Variants in AQR observed in about 807,000 individuals in gnomAD.
AQR encodes the protein RNA helicase aquarius.
A neutral mutation model predicts 180.5 loss-of-function variants in AQR; 61 were observed. The observed-to-expected ratio is 0.34, with a 90% CI of 0.28 to 0.42. The LOEUF is 0.42. AQR is among the 10% of genes least tolerant of loss of function. The pLI is 1.00. For missense variants in AQR, 1,281 were observed against 1,798.3 expected (o/e 0.71, Z 5.20); for synonymous variants, 551 against 588.8 (o/e 0.94, Z 0.93).
intron 11 of AQR, 126 bp from the exon 12 acceptor site, chr15:34,930,497 C>A: frequency 5.4e-6 from 3 of 558,676 alleles, no homozygotes; most frequent in Non-Finnish European, 9.5e-6. Context: ...GGAATGTAAA[C>A]ATTACAAAAA....
At chr15:34,914,539 C>G (rs1161496978) in intron 16 of AQR, among the ~76,000 whole-genome samples, 1 of 152,158 alleles carries the variant, frequency 6.6e-6, no homozygotes, top group Admixed American at 6.5e-5. Flanking sequence ...TAATGTACCA[C>G]CCCGGGCAAT....
At chr15:34,967,025 C>T (rs1201458236) in intron 1 of AQR, among the ~76,000 whole-genome samples, 1 of 151,906 alleles carries the variant, frequency 6.6e-6, no homozygotes, top group African/African-American at 2.4e-5. Context: ...TACAGGCATG[C>T]ACCACCACGT....
At chr15:34,955,747 A>G (rs1894303436) in intron 3 of AQR, among the ~76,000 whole-genome samples, 1 of 152,118 alleles carries the variant, frequency 6.6e-6, no homozygotes, top group Non-Finnish European at 1.5e-5. Flanking sequence ...GTCTCTACTA[A>G]AAATACAAAA....
At position 34,874,671 on chromosome 15, in the gene AQR, T is replaced by G. The variant is rs750587400; in HGVS notation, c.3425+6A>C. ...TGGGAATGATTTTTTTTCCTGTCTC[T>G]TTTACCTTGCTCTGGCTCTCCCTTG... On this transcript the variant is annotated splice_donor_region_variant and intron_variant, in intron 29 of 34. Coordinates refer to ENST00000156471, the MANE Select transcript of AQR (RefSeq NM_014691.3). The G allele has an allele frequency of 2.4e-5, 38 of 1,612,454 alleles. No homozygotes were observed. Among genetic ancestry groups the G allele is most frequent in the Non-Finnish European group, 3.2e-5 (38 of 1,179,352 alleles).
Position 34,918,374 on chromosome 15 carries a change from G to A in AQR, c.1226C>T (p.Ser409Phe). The change falls in exon 15 of 35, where the codon TCT becomes TTT. Residue 409 changes from serine (S) to phenylalanine (F), a missense_variant. Ser to Phe is a radical substitution (Grantham distance 155). Transcript: ENST00000156471. ...DKEFLLELLV[S>F]RHERRISQIQ... ...CTGAGAAATTCGACGTTCATGACGA[G>A]ATACCTAAAATAAAGGAAACAAGTT... is the stretch of plus-strand genomic sequence containing the variant. The A allele has an allele frequency of 1.2e-6, 2 of 1,613,024 alleles. No homozygotes were observed. The highest frequency in any genetic ancestry group is 1.7e-6 in the Non-Finnish European group (2 of 1,179,608).
In AQR at chr15:34,897,574, T is replaced by C. The variant is rs765985441; in HGVS notation, c.2375A>G (p.Tyr792Cys). 2 of 1,614,028 alleles carry C rather than the reference T, an allele frequency of 1.2e-6. No homozygotes were observed. The highest frequency in any genetic ancestry group is 2.2e-5 in the South Asian group (2 of 91,046). ...HVIPNRGPYPYNQPKRNTIQF... is the reference protein window; with the variant it reads ...HVIPNRGPYPCNQPKRNTIQF... ...GTAAAATTACCGTTTGGGTTGATTA[T>C]AAGGATAAGGACCCCTATTAGGAAT... The change falls in exon 21 of 35, where the codon TAT becomes TGT. Residue 792 changes from tyrosine to cysteine, a missense_variant. By Grantham distance (194) the Tyr-to-Cys change is radical. Transcript: ENST00000156471.
intron 4 of AQR, among the ~76,000 whole-genome samples, chr15:34,949,309 C>T (rs913836981): frequency 5.0e-5 from 3 of 60,130 alleles, no homozygotes; most frequent in Non-Finnish European, 6.3e-5. Context: ...AACTTTAAGG[C>T]TCTTCTTAAA....
At chr15:34,965,672 A>AAAAT (rs1232437266) in intron 1 of AQR, among the ~76,000 whole-genome samples, 4 of 152,150 alleles carry the variant, frequency 2.6e-5, no homozygotes, top group Non-Finnish European at 5.9e-5. Context: ...CTCCGTCTCT[A>AAAAT]AAATAAATAA....
chr15:34,874,641 T>G, intron 29 of AQR, 36 bp downstream of exon 29: 1 of 1,609,312 alleles, frequency 6.2e-7, no homozygotes, highest in Non-Finnish European at 8.5e-7. Context: ...ACAAATGTCC[T>G]TAAATGGGAA....
rs1003046912 is a variant in AQR, at chr15:34,919,625, C to T, written c.1221+707G>A. ...AGAATTCCTGAAAACAGGTTGGGCA[C>T]GGTGATTCATGCCTGTAACCCAACA... On this transcript the variant is annotated intron_variant, in intron 14 of 34. Coordinates refer to ENST00000156471, the MANE Select transcript of AQR (RefSeq NM_014691.3). Among the ~76,000 whole-genome samples, 10 of 152,172 alleles carry T rather than the reference C, an allele frequency of 6.6e-5. No homozygotes were observed. The East Asian group carries it at 1.2e-3, about 18-fold the overall frequency.
At chr15:34,866,625 T>C (rs965921432) in intron 32 of AQR, among the ~76,000 whole-genome samples, 2 of 152,126 alleles carry the variant, frequency 1.3e-5, no homozygotes, top group African/African-American at 4.8e-5. Flanking sequence ...CTGTAAGTTT[T>C]TGAGATGTTA....
intron 30 of AQR, 134 bp from the exon 31 acceptor site, chr15:34,871,056 AAGTG>A: frequency 1.4e-6 from 1 of 722,038 alleles, no homozygotes; most frequent in Admixed American, 2.8e-5. Flanking sequence ...TAACTTGGAT[AAGTG>A]AGTACCTTTC....
At chr15:34,967,447 G>A (rs564054543) in intron 1 of AQR, among the ~76,000 whole-genome samples, 14 of 152,276 alleles carry the variant, frequency 9.2e-5, no homozygotes, top group African/African-American at 3.1e-4. Flanking sequence ...TGAGTTCCAT[G>A]ACAGAAGTAA....
rs193185248 is a variant in AQR, at chr15:34,908,311, C to T, written c.1664-1599G>A. On this transcript the variant is annotated intron_variant, in intron 17 of 34. Transcript: ENST00000156471. ...AATTAGCTGGGCGTGGTGGCGGGTG[C>T]CTGTAATCCCAGCTACTCGGGAGGC... Among the ~76,000 whole-genome samples, 133 of 152,074 alleles carry T rather than the reference C, an allele frequency of 8.7e-4. 3 individuals are homozygous for T. Among genetic ancestry groups the T allele is most frequent in the African/African-American group, 2.9e-3 (122 of 41,494 alleles).
chr15:34,871,305 G>A (rs1884132650), intron 30 of AQR, among the ~76,000 whole-genome samples: 1 of 152,046 alleles, frequency 6.6e-6, no homozygotes, highest in African/African-American at 2.4e-5. Flanking sequence ...CCAGGAGTTT[G>A]AGACCAGCCT....
chr15:34,943,183 C>T (rs1894053285), intron 6 of AQR: 1 of 1,610,628 alleles, frequency 6.2e-7, no homozygotes, highest in East Asian at 2.2e-5. Context: ...TCTCTGTATG[C>T]CCAGGGAAAG....
At chr15:34,912,615 A>G (rs369867770) in intron 16 of AQR, among the ~76,000 whole-genome samples, 1 of 152,020 alleles carries the variant, frequency 6.6e-6, no homozygotes, top group East Asian at 1.9e-4. Flanking sequence ...TATTTAAATC[A>G]TTTAAAAGAT....
intron 20 of AQR, among the ~76,000 whole-genome samples, chr15:34,899,346 G>A (rs1002496783): frequency 6.6e-6 from 1 of 151,950 alleles, no homozygotes; most frequent in African/African-American, 2.4e-5. Context: ...ACTAGGTTTG[G>A]GTGTATAAAG....
Position 34,856,672 on chromosome 15 carries a change from T to C in AQR, c.*120A>G. On this transcript the variant is annotated 3_prime_UTR_variant, in exon 35 of 35. Coordinates refer to ENST00000156471, the MANE Select transcript of AQR (RefSeq NM_014691.3). Reference sequence around the variant, plus strand: ...CAAGACACCGAAATCAGTTAACAAATATAAGAACTAAACATTAATTAGTGA... The same window carrying C: ...CAAGACACCGAAATCAGTTAACAAACATAAGAACTAAACATTAATTAGTGA... 1 of 806,116 alleles carries C rather than the reference T, an allele frequency of 1.2e-6. No individual in the cohort carries two copies. Among genetic ancestry groups the C allele is most frequent in the Non-Finnish European group, 1.8e-6 (1 of 550,314 alleles). 49.9% of individuals were successfully genotyped at this position (806,116 alleles called of 1,614,324 possible).
Sources: gnomAD v4.1 joint callset for allele counts (sites outside exome capture counted in the v4.1 genomes callset) on GRCh38, gnomAD v4.1.1 for gene constraint, MANE v1.5 for transcripts, NCBI Gene and HGNC (gene_info 2026-07-23, HGNC 2026-07-21) for gene names.